The following ZNF761 variants were observed in gnomAD, a reference collection of about 807,000 sequenced individuals.
The protein encoded by ZNF761 is zinc finger protein 761.
Under a neutral mutation model 59.9 loss-of-function variants are expected in ZNF761, and 43 were observed. The observed-to-expected ratio is 0.72, with a 90% confidence interval of 0.56 to 0.92. The LOEUF is 0.92. Ranked by LOEUF, ZNF761 falls within the 40% of genes least tolerant of loss-of-function variation. ZNF761 has a pLI of 0.00. For synonymous variants in ZNF761, 294 were observed against 304.8 expected (o/e 0.96, Z 0.37); for missense variants, 850 against 906.1 (o/e 0.94, Z 0.79).
At chr19:53,451,809 G>T (rs990177088) in intron 4 of ZNF761, among the ~76,000 whole-genome samples, 1 of 147,164 alleles carries the variant, frequency 6.8e-6, no homozygotes, top group African/African-American at 2.5e-5. Context: ...GGATGGTCTC[G>T]ATCTCCTGAC....
intron 1 of ZNF761, among the ~76,000 whole-genome samples, chr19:53,438,756 A>G (rs1279548676): frequency 2.6e-5 from 4 of 152,194 alleles, no homozygotes; most frequent in Admixed American, 1.3e-4. Flanking sequence ...TCGTGGCTCA[A>G]TATGACACCT....
Position 53,453,224 on chromosome 19 carries a change from G to A in ZNF761, c.143-1426G>A, listed in dbSNP as rs1340656167. 1.6e-4 allele frequency among the ~76,000 whole-genome samples: 25 copies of A among 151,942 alleles called. 1 individual carries two copies. Among genetic ancestry groups the A allele is most frequent in the Non-Finnish European group, 7.4e-5 (5 of 68,006 alleles). Reference sequence around the variant, plus strand: ...TCACCATGTTGGCCAAGCTACTCTCGAACTCCTGACTTCATGATCCGCCTG... The same window carrying A: ...TCACCATGTTGGCCAAGCTACTCTCAAACTCCTGACTTCATGATCCGCCTG... On this transcript the variant is annotated intron_variant, in intron 4 of 4. Coordinates refer to ENST00000684525, the MANE Select transcript of ZNF761 (RefSeq NM_001289951.2).
At chr19:53,440,803 G>A (rs2086091266) in intron 1 of ZNF761, among the ~76,000 whole-genome samples, 1 of 152,110 alleles carries the variant, frequency 6.6e-6, no homozygotes, top group South Asian at 2.1e-4. Flanking sequence ...AGCTTCCTGA[G>A]TAGCTAAGGT....
intron 1 of ZNF761, among the ~76,000 whole-genome samples, chr19:53,440,416 G>A: frequency 6.6e-6 from 1 of 152,052 alleles, no homozygotes; most frequent in Non-Finnish European, 1.5e-5. Flanking sequence ...TGACTTCTGT[G>A]TATATAATCT....
intron 1 of ZNF761, among the ~76,000 whole-genome samples, chr19:53,438,244 C>G (rs2086063028): frequency 6.6e-6 from 1 of 152,052 alleles, no homozygotes; most frequent in Non-Finnish European, 1.5e-5. Context: ...TTTGATCCAT[C>G]AAAGTTATGA....
At chr19:53,432,109 A>C (rs1434247181) in intron 1 of ZNF761, 81 bp downstream of exon 1, 4 of 152,216 alleles carry the variant, frequency 2.6e-5, no homozygotes, top group African/African-American at 7.2e-5. Context: ...GATCCCCACA[A>C]ACCTGGAAAT....
At chr19:53,434,278 A>G (rs1212028791) in intron 1 of ZNF761, among the ~76,000 whole-genome samples, 2 of 152,090 alleles carry the variant, frequency 1.3e-5, no homozygotes, top group East Asian at 1.9e-4. Context: ...CCTTATGTCT[A>G]TATATCTTTT....
intron 4 of ZNF761, among the ~76,000 whole-genome samples, chr19:53,452,914 C>G (rs1450049371): frequency 6.6e-6 from 1 of 151,936 alleles, no homozygotes; most frequent in African/African-American, 2.4e-5. Flanking sequence ...GACCAGGTAG[C>G]CTGCATCATA....
In ZNF761 at chr19:53,457,288, C is replaced by G. The variant is rs2086281088; in HGVS notation, c.*540C>G. 4.9e-6 allele frequency: 2 copies of G among 409,802 alleles called. No individual in the cohort carries two copies. Among genetic ancestry groups the G allele is most frequent in the Non-Finnish European group, 9.9e-6 (2 of 203,022 alleles). 25.4% of individuals were successfully genotyped at this position (409,802 alleles called of 1,614,324 possible). On this transcript the variant is annotated 3_prime_UTR_variant, in exon 5 of 5. Coordinates refer to ENST00000684525, the MANE Select transcript of ZNF761 (RefSeq NM_001289951.2). ...TTTTTCAGACATTGTTCATACCTTGCAGTTCATCGGTGAACTCAACGCTGG... is the reference window on the plus strand; with the variant it reads ...TTTTTCAGACATTGTTCATACCTTGGAGTTCATCGGTGAACTCAACGCTGG...
In ZNF761 at chr19:53,447,225, A is replaced by G; in HGVS notation, c.-44A>G. On this transcript the variant is annotated 5_prime_UTR_variant, in exon 3 of 5. Transcript: ENST00000684525. ...GACTTCTAAAGACTCTTGGTACGTG[A>G]GGAAGAAACCCGGAAGAGGAAGAGG... 1.2e-6 allele frequency: 2 copies of G among 1,609,262 alleles called. No individual in the cohort carries two copies. The highest frequency in any genetic ancestry group is 3.3e-4 in the Middle Eastern group (2 of 6,030).
chr19:53,444,676 T>G (rs553702873), intron 1 of ZNF761: 1 of 152,368 alleles, frequency 6.6e-6, no homozygotes, highest in South Asian at 2.1e-4. Context: ...CTCTATACTT[T>G]GTCTCTGTGT....
At chr19:53,445,443 CCTT>C (rs1568806988) in intron 1 of ZNF761, among the ~76,000 whole-genome samples, 1 of 152,128 alleles carries the variant, frequency 6.6e-6, no homozygotes, top group African/African-American at 2.4e-5. Context: ...TTCAGGCACA[CCTT>C]CTCACTCATC....
Position 53,457,882 on chromosome 19 carries a change from C to G in ZNF761, c.*1134C>G, listed in dbSNP as rs1031883601. On this transcript the variant is annotated 3_prime_UTR_variant, in exon 5 of 5. Coordinates refer to ENST00000684525, the MANE Select transcript of ZNF761 (RefSeq NM_001289951.2). ...GATTTTTATGGATATCATGTTGAAT[C>G]TAAATCACATTGGGTTATTATATAA... The G allele has an allele frequency of 6.5e-6, 1 of 152,930 alleles. No homozygotes were observed. Among genetic ancestry groups the G allele is most frequent in the African/African-American group, 2.4e-5 (1 of 41,412 alleles). The allele number at this position is 152,930 out of a possible 1,614,324, so 9.5% of individuals were successfully genotyped here.
chr19:53,456,345 AGACCTTCAGTCG>A lies in ZNF761; in HGVS notation c.1842_1853del (p.Phe615_Thr618del). ...CCTTACAAGTGTAATGAGTGTGGCA[AGACCTTCAGTCG>A]GACGTCATCCCTTACATGCCATCGT... On this transcript the variant is annotated inframe_deletion, in exon 5 of 5. Transcript: ENST00000684525. 1 of 1,611,578 alleles carries A rather than the reference AGACCTTCAGTCG, an allele frequency of 6.2e-7. No homozygotes were observed. Among genetic ancestry groups the A allele is most frequent in the African/African-American group, 1.3e-5 (1 of 74,998 alleles).
intron 1 of ZNF761, chr19:53,442,569 A>C (rs2086111924): frequency 3.0e-6 from 2 of 662,496 alleles, no homozygotes; most frequent in Non-Finnish European, 5.5e-6. Context: ...TACACAAAGG[A>C]TGCTGGACCA....
At position 53,456,697 on chromosome 19, in the gene ZNF761, G is replaced by A. The variant is rs761512499; in HGVS notation, c.2190G>A (p.Lys730=). 2.5e-6 allele frequency: 4 copies of A among 1,613,814 alleles called. No homozygotes were observed. The highest frequency in any genetic ancestry group is 3.4e-6 in the Non-Finnish European group (4 of 1,179,900). The change falls in exon 5 of 5, where the codon AAG becomes AAA. Residue 730 remains lysine (K), a synonymous_variant. Coordinates refer to ENST00000684525, the MANE Select transcript of ZNF761 (RefSeq NM_001289951.2). ...CNECGKTFSQ[K]SNLTCHRRLH... is the part of the protein sequence containing the mutation. Reference sequence around the variant, plus strand: ...AGTGTGGCAAGACCTTTAGTCAGAAGTCAAACCTTACATGCCATCGTAGAC... The same window carrying A: ...AGTGTGGCAAGACCTTTAGTCAGAAATCAAACCTTACATGCCATCGTAGAC...
intron 1 of ZNF761, chr19:53,442,938 C>T (rs1385449259): frequency 2.1e-5 from 7 of 337,128 alleles, no homozygotes; most frequent in South Asian, 4.8e-5. Context: ...ATAATCAGCT[C>T]ACATCATTTT....
chr19:53,450,303 A>AAAAT (rs60728869), intron 4 of ZNF761: 46,344 of 152,746 alleles, frequency 0.3, 7,100 homozygotes, highest in African/African-American at 0.36. Flanking sequence ...CCATCTCAAA[A>AAAAT]AAATAAATAA....
intron 1 of ZNF761, among the ~76,000 whole-genome samples, 156 bp from the exon 2 acceptor site, chr19:53,446,071 G>C (rs1033474653): frequency 1.3e-5 from 2 of 152,272 alleles, no homozygotes; most frequent in East Asian, 1.9e-4. Context: ...ACGGCCCTGT[G>C]CCTTTCTTCT....
Sources: allele counts gnomAD v4.1 joint callset (sites outside exome capture counted in the v4.1 genomes callset), GRCh38; gene constraint gnomAD v4.1.1; transcripts MANE v1.5; gene names NCBI Gene and HGNC (gene_info 2026-07-23, HGNC 2026-07-21).